The following ACTN4 variants were observed in gnomAD, a reference collection of about 807,000 sequenced individuals.
ACTN4 encodes actinin alpha 4, also known as alpha-actinin-4.
Under a neutral mutation model 114.2 loss-of-function variants are expected in ACTN4, and 18 were observed. The observed-to-expected ratio is 0.16, with a 90% CI of 0.11 to 0.23. The LOEUF is 0.23. Among genes scored for constraint, ACTN4 ranks in the 10% least tolerant of loss-of-function variants. The probability of loss-of-function intolerance (pLI) is 1.00; values close to 1 mark genes in which losing one functional copy is unlikely to be tolerated. For synonymous variants in ACTN4, 515 were observed against 506.3 expected (o/e 1.02, Z -0.23); for missense variants, 722 against 1,262.9 (o/e 0.57, Z 6.49).
intron 8 of ACTN4, chr19:38,711,349 G>T: frequency 9.6e-7 from 1 of 1,040,312 alleles, no homozygotes; most frequent in East Asian, 8.1e-5. Flanking sequence ...ACGCTTTCTC[G>T]GGGGCTCAGA....
rs1040656495 is a variant in ACTN4 at position 38,723,606 on chromosome 19, G to T, written c.1443-8G>T. 7 of 1,601,530 alleles carry T rather than the reference G, an allele frequency of 4.4e-6. No individual in the cohort carries two copies. Among genetic ancestry groups the T allele is most frequent in the Non-Finnish European group, 6.0e-6 (7 of 1,172,166 alleles). Reference sequence around the variant, plus strand: ...GCCGAGTCTCATTGCTCTCTGCCCGGCCCGCAGCGAGCTGGATTACTACGA... The same window carrying T: ...GCCGAGTCTCATTGCTCTCTGCCCGTCCCGCAGCGAGCTGGATTACTACGA... On this transcript the variant is annotated splice_region_variant and splice_polypyrimidine_tract_variant and intron_variant, in intron 12 of 20. Transcript: ENST00000252699.
At chr19:38,685,823 GAGCCTCTCAAAACAGGAAAAAGGAA>G (rs1967724441) in intron 1 of ACTN4, among the ~76,000 whole-genome samples, 1 of 152,068 alleles carries the variant, frequency 6.6e-6, no homozygotes, top group South Asian at 2.1e-4. Flanking sequence ...TGTTGAATCA[GAGCCTCTCAAAACAGGAAAAAGGAA>G]AAGGATCACC....
intron 1 of ACTN4, among the ~76,000 whole-genome samples, chr19:38,672,803 A>C (rs11670636): frequency 0.53 from 79,600 of 150,954 alleles, 21,257 homozygotes; most frequent in South Asian, 0.66. Flanking sequence ...AAACTCCTGA[A>C]CTCAAGTGAT....
chr19:38,721,421 C>A, intron 11 of ACTN4, 117 bp from the exon 12 acceptor site: 2 of 1,247,456 alleles, frequency 1.6e-6, no homozygotes, highest in Non-Finnish European at 2.3e-6. Context: ...CTGTCATTGG[C>A]ATGGAAGGAT....
chr19:38,708,081 C>T (rs752450291), intron 5 of ACTN4, 36 bp from the exon 6 acceptor site: 9 of 1,598,042 alleles, frequency 5.6e-6, no homozygotes, highest in Non-Finnish European at 6.9e-6. Context: ...TGACAGTGAG[C>T]GGGCCCTCCT....
chr19:38,698,476 GGGAGACAAGAACTGTT>G (rs908738862), intron 1 of ACTN4, among the ~76,000 whole-genome samples: 6 of 152,224 alleles, frequency 3.9e-5, no homozygotes, highest in Non-Finnish European at 5.9e-5. Context: ...GTGGGAGGGA[GGGAGACAAGAACTGTT>G]GGAGACAAGA....
At chr19:38,665,104 C>T (rs896410344) in intron 1 of ACTN4, among the ~76,000 whole-genome samples, 3 of 152,124 alleles carry the variant, frequency 2.0e-5, no homozygotes, top group Non-Finnish European at 4.4e-5. Flanking sequence ...AGCTGCACCC[C>T]GGGAGGGGGT....
rs1239396877 is a variant in ACTN4, at chr19:38,721,974, G to C, written c.1442+286G>C. ...CTTCAGGCTTTAGGGGTCCCTGGGG[G>C]TGTCACCTCTCCTGGCCACCCCAAG... On this transcript the variant is annotated intron_variant, in intron 12 of 20. Coordinates refer to ENST00000252699, the MANE Select transcript of ACTN4 (RefSeq NM_004924.6). The C allele has an allele frequency of 8.0e-6, 4 of 498,842 alleles. No individual in the cohort carries two copies. In the Admixed American group the frequency reaches 9.4e-5, roughly 12 times the overall value. 30.9% of individuals were successfully genotyped at this position (498,842 alleles called of 1,614,324 possible). A position where few individuals can be genotyped will look rare whatever the true frequency, so the allele number is the denominator to read the frequency against.
chr19:38,722,514 G>A (rs1458422114), intron 12 of ACTN4, among the ~76,000 whole-genome samples: 1 of 152,228 alleles, frequency 6.6e-6, no homozygotes, highest in African/African-American at 2.4e-5. Context: ...CCCCATGCTG[G>A]GCAGAGCTGG....
chr19:38,690,760 T>G (rs1967897747), intron 1 of ACTN4, among the ~76,000 whole-genome samples: 1 of 152,258 alleles, frequency 6.6e-6, no homozygotes, highest in Non-Finnish European at 1.5e-5. Flanking sequence ...TTAGTGGTGA[T>G]TGTTGCACGA....
chr19:38,697,142 G>A (rs769777572), intron 1 of ACTN4, among the ~76,000 whole-genome samples: 3 of 152,236 alleles, frequency 2.0e-5, no homozygotes, highest in African/African-American at 4.8e-5. Flanking sequence ...GAGAAGATGA[G>A]CACAGGTGGG....
Position 38,727,881 on chromosome 19 carries a change from C to G in ACTN4, c.2338-65C>G. The stretch of plus-strand genomic sequence containing the variant: ...TTCCCCCTGCCCTCTGCATGTGACC[C>G]CGATCCCTCATCCTGGTCTCCACGC... On this transcript the variant is annotated intron_variant, in intron 18 of 20. Transcript: ENST00000252699. This position sits in a 1 kb window ranked among gnomAD's most constrained non-coding sequence, Gnocchi z 5.4. 6.6e-7 allele frequency: 1 copy of G among 1,513,568 alleles called. No homozygotes were observed. Among genetic ancestry groups the G allele is most frequent in the Non-Finnish European group, 9.1e-7 (1 of 1,096,546 alleles). 93.8% of individuals were successfully genotyped at this position (1,513,568 alleles called of 1,614,324 possible). A position where few individuals can be genotyped will look rare whatever the true frequency, so the allele number is the denominator to read the frequency against.
In ACTN4 at chr19:38,727,035, C is replaced by T. The variant is rs1323978140; in HGVS notation, c.2269C>T (p.Arg757Cys). The T allele has an allele frequency of 1.9e-6, 3 of 1,614,148 alleles. No individual in the cohort carries two copies. In the South Asian group the frequency reaches 3.3e-5, roughly 18 times the overall value. Residue 757 changes from arginine to cysteine, a missense_variant, in exon 18 of 21, where the codon CGC becomes TGC. Transcript: ENST00000252699. This position sits in a 1 kb window ranked among gnomAD's most constrained non-coding sequence, Gnocchi z 5.4. ...CGAGGTGGAGAACCAGATCCTCACCCGCGACGCCAAGGGCATCAGCCAGGA... is the reference window on the plus strand; with the variant it reads ...CGAGGTGGAGAACCAGATCCTCACCTGCGACGCCAAGGGCATCAGCCAGGA... ...INEVENQILTRDAKGISQEQM... is the reference protein window; with the variant it reads ...INEVENQILTCDAKGISQEQM...
chr19:38,652,554 G>A (rs1359517853), intron 1 of ACTN4, among the ~76,000 whole-genome samples: 1 of 152,138 alleles, frequency 6.6e-6, no homozygotes, highest in Non-Finnish European at 1.5e-5. Context: ...ACCCTCCCTG[G>A]TTCCGGCTTC....
intron 1 of ACTN4, among the ~76,000 whole-genome samples, chr19:38,663,409 G>C (rs780553070): frequency 1.3e-5 from 2 of 152,186 alleles, no homozygotes; most frequent in African/African-American, 4.8e-5. Context: ...CAAAGAGCTC[G>C]CGGTGTAGCT....
chr19:38,703,684 C>T (rs965851813), intron 3 of ACTN4, among the ~76,000 whole-genome samples: 24 of 152,298 alleles, frequency 1.6e-4, no homozygotes, highest in African/African-American at 4.8e-4. Context: ...AGAGCAGCCC[C>T]GCCCTCACGA....
chr19:38,675,330 G>A (rs968481215), intron 1 of ACTN4, among the ~76,000 whole-genome samples: 3 of 152,190 alleles, frequency 2.0e-5, no homozygotes, highest in Non-Finnish European at 2.9e-5. Context: ...CACCCAAGTG[G>A]GATCACAGTG....
At chr19:38,676,792 T>C (rs1473399413) in intron 1 of ACTN4, among the ~76,000 whole-genome samples, 1 of 152,154 alleles carries the variant, frequency 6.6e-6, no homozygotes, top group African/African-American at 2.4e-5. Context: ...GGAGCACCAG[T>C]GGAGAACTAG....
chr19:38,730,836 C>A lies in ACTN4; in HGVS notation c.*1404C>A, dbSNP rs753493063. On this transcript the variant is annotated 3_prime_UTR_variant, in exon 21 of 21. Coordinates refer to ENST00000252699, the MANE Select transcript of ACTN4 (RefSeq NM_004924.6). ...GCAACCCTGCCCTGAGCAGCAGGTG[C>A]GCCCATCCGGAGATCCTAGGAGAAG... 9.0e-6 allele frequency: 14 copies of A among 1,550,666 alleles called. No individual in the cohort carries two copies. Among genetic ancestry groups the A allele is most frequent in the African/African-American group, 1.4e-5 (1 of 73,072 alleles).
Sources: gnomAD v4.1 joint callset for allele counts (sites outside exome capture counted in the v4.1 genomes callset) on GRCh38, gnomAD v4.1.1 for gene constraint, Gnocchi (gnomAD v3.1) non-coding constraint, MANE v1.5 for transcripts, NCBI Gene and HGNC (gene_info 2026-07-23, HGNC 2026-07-21) for gene names.